HERC6: variants seen among roughly 807,000 people sequenced by gnomAD.
The protein encoded by HERC6 is HECT and RLD domain containing E3 ubiquitin protein ligase family member 6.
HERC6 carries 101 observed loss-of-function variants against 114.5 expected under a neutral mutation model. The ratio of observed to expected loss-of-function variants is 0.88; its 90% CI spans 0.75 to 1.04. The LOEUF is 1.04. HERC6 is among the 50% of genes least tolerant of loss of function. HERC6 has a pLI of 0.00. For missense variants in HERC6, 1,133 were observed against 1,230.9 expected, an observed-to-expected ratio of 0.92 and a Z score of 1.19; for synonymous variants, 408 against 436.2, an observed-to-expected ratio of 0.94 and a Z score of 0.81.
intron 11 of HERC6, 47 bp downstream of exon 11, chr4:88,408,664 T>G: frequency 8.1e-7 from 1 of 1,242,024 alleles, no homozygotes; most frequent in Non-Finnish European, 1.2e-6. Flanking sequence ...ACGATTGCAG[T>G]TTATTTTTGT....
intron 11 of HERC6, among the ~76,000 whole-genome samples, chr4:88,408,908 C>G (rs1735947012): frequency 6.6e-6 from 1 of 151,912 alleles, no homozygotes; most frequent in African/African-American, 2.4e-5. Context: ...GGGCAGGGGG[C>G]TAGGGTAGGG....
chr4:88,403,688 A>C (rs910048058), intron 8 of HERC6, among the ~76,000 whole-genome samples: 4 of 152,110 alleles, frequency 2.6e-5, no homozygotes, highest in African/African-American at 9.7e-5. Context: ...TGGGAGACAG[A>C]GCTTGCAGTG....
At chr4:88,432,562 C>T (rs1382257594) in intron 17 of HERC6, among the ~76,000 whole-genome samples, 1 of 151,964 alleles carries the variant, frequency 6.6e-6, no homozygotes, top group Non-Finnish European at 1.5e-5. Flanking sequence ...AACACTGTCT[C>T]TACTAAAAAT....
rs1292466896 is a variant in HERC6 at position 88,398,217 on chromosome 4, T to C, written c.1092+8T>C. ...TTTGTGACAACTCATCAGGTATCTATTATACTTTTTGTTCCTCTTAAAAAT... is the reference window on the plus strand; with the variant it reads ...TTTGTGACAACTCATCAGGTATCTACTATACTTTTTGTTCCTCTTAAAAAT... On this transcript the variant is annotated splice_region_variant and intron_variant, in intron 8 of 22. Transcript: ENST00000264346. 2 of 1,546,062 alleles carry C rather than the reference T, an allele frequency of 1.3e-6. No homozygotes were observed. The highest frequency in any genetic ancestry group is 2.5e-5 in the South Asian group (2 of 80,338).
intron 12 of HERC6, among the ~76,000 whole-genome samples, chr4:88,414,811 G>A (rs1397397650): frequency 6.6e-6 from 1 of 152,116 alleles, no homozygotes; most frequent in Non-Finnish European, 1.5e-5. Context: ...TTATCATCAA[G>A]GTCTTTATGA....
At chr4:88,441,195 A>G (rs1355489003) in intron 22 of HERC6, among the ~76,000 whole-genome samples, 1 of 152,156 alleles carries the variant, frequency 6.6e-6, no homozygotes, top group African/African-American at 2.4e-5. Flanking sequence ...ATGATGTTCG[A>G]ATGATGCCAA....
chr4:88,440,811 C>T (rs1739271461), intron 22 of HERC6, among the ~76,000 whole-genome samples: 1 of 152,188 alleles, frequency 6.6e-6, no homozygotes, highest in African/African-American at 2.4e-5. Context: ...TCTATGTTTG[C>T]AGCCCGATAT....
At chr4:88,391,260 T>C (rs1484027292) in intron 4 of HERC6, among the ~76,000 whole-genome samples, 1 of 152,210 alleles carries the variant, frequency 6.6e-6, no homozygotes, top group African/African-American at 2.4e-5. Context: ...TCTTCAAAGC[T>C]AGCAGTGGCT....
intron 22 of HERC6, chr4:88,440,559 A>G: frequency 4.1e-6 from 1 of 245,740 alleles, no homozygotes; most frequent in Non-Finnish European, 7.7e-6. Flanking sequence ...TGATCTACAT[A>G]GGGCATGAAA....
intron 1 of HERC6, among the ~76,000 whole-genome samples, 171 bp downstream of exon 1, chr4:88,379,291 G>C (rs1322790138): frequency 1.3e-5 from 2 of 152,132 alleles, no homozygotes; most frequent in Admixed American, 1.3e-4. Context: ...CAGGCAGGGA[G>C]GGGTGCTGGG....
intron 13 of HERC6, among the ~76,000 whole-genome samples, chr4:88,422,781 G>C (rs1737194608): frequency 6.6e-6 from 1 of 152,076 alleles, no homozygotes; most frequent in African/African-American, 2.4e-5. Flanking sequence ...TCTATTTTAT[G>C]TAAAAGATTG....
intron 15 of HERC6, among the ~76,000 whole-genome samples, chr4:88,428,173 C>T (rs914576090): frequency 5.3e-5 from 8 of 152,182 alleles, no homozygotes; most frequent in African/African-American, 1.7e-4. Context: ...TCCCTGAGCT[C>T]TTATACTGTC....
At chr4:88,437,254 G>C (rs895921184) in intron 19 of HERC6, among the ~76,000 whole-genome samples, 1 of 151,866 alleles carries the variant, frequency 6.6e-6, no homozygotes, top group Non-Finnish European at 1.5e-5. Flanking sequence ...ATGGGTTTTT[G>C]CTATCTTGGC....
intron 22 of HERC6, among the ~76,000 whole-genome samples, chr4:88,441,988 A>T (rs553124981): frequency 7.9e-5 from 12 of 152,242 alleles, no homozygotes; most frequent in Non-Finnish European, 1.8e-4. Context: ...TTCCTAGATG[A>T]GCTAAATAAA....
At chr4:88,432,796 T>C (rs1435043447) in intron 17 of HERC6, among the ~76,000 whole-genome samples, 2 of 152,152 alleles carry the variant, frequency 1.3e-5, no homozygotes, top group African/African-American at 2.4e-5. Context: ...GTAATTATTA[T>C]ATTTTTGTAA....
intron 17 of HERC6, among the ~76,000 whole-genome samples, chr4:88,431,708 G>A (rs766463684): frequency 1.2e-4 from 19 of 152,194 alleles, no homozygotes; most frequent in Non-Finnish European, 2.5e-4. Flanking sequence ...GATTGCTTGA[G>A]TAGCTGAGAC....
rs182091117 is a variant in HERC6, at chr4:88,422,418, G to A, written c.1714-1442G>A. On this transcript the variant is annotated intron_variant, in intron 13 of 22. Coordinates refer to ENST00000264346, the MANE Select transcript of HERC6 (RefSeq NM_017912.4). ...TTTTATGTTTTGCTGTGGGATTTTT[G>A]TAGATACGTTTTTAAAAGGTTAAGG... Among the ~76,000 whole-genome samples the A allele has an allele frequency of 6.6e-5, 10 of 152,198 alleles. No individual in the cohort carries two copies. In the East Asian group the frequency reaches 1.7e-3, roughly 26 times the overall value.
At chr4:88,408,445 A>G in intron 10 of HERC6, 79 bp from the exon 11 acceptor site, 1 of 862,546 alleles carries the variant, frequency 1.2e-6, no homozygotes, top group Non-Finnish European at 1.9e-6. Flanking sequence ...TATGTAATAA[A>G]GCAACAAATG....
intron 11 of HERC6, among the ~76,000 whole-genome samples, chr4:88,411,578 A>G (rs1189928181): frequency 6.6e-6 from 1 of 152,224 alleles, no homozygotes; most frequent in Non-Finnish European, 1.5e-5. Context: ...CCCTTAGGAC[A>G]TGAAAGGCAA....
Sources: gnomAD v4.1 joint callset for allele counts (sites outside exome capture counted in the v4.1 genomes callset) on GRCh38, gnomAD v4.1.1 for gene constraint, MANE v1.5 for transcripts, NCBI Gene and HGNC (gene_info 2026-07-23, HGNC 2026-07-21) for gene names.